TMEM176A: variants seen among roughly 807,000 people sequenced by gnomAD.
TMEM176A encodes transmembrane protein 176A.
In TMEM176A, 20 loss-of-function variants were observed where a neutral mutation model predicts 27.9. That is an observed-to-expected ratio of 0.72 (90% CI 0.50 to 1.04). The LOEUF is 1.04. Among genes scored for constraint, TMEM176A ranks in the 50% least tolerant of loss-of-function variants. TMEM176A has a pLI of 0.00. For synonymous variants in TMEM176A, 125 were observed against 118.0 expected, an observed-to-expected ratio of 1.06 and a Z score of -0.38; for missense variants, 252 against 289.1, an observed-to-expected ratio of 0.87 and a Z score of 0.93.
rs1184797613 is a variant in TMEM176A, at chr7:150,803,411, T to C, written c.297T>C (p.Ala99=). ...AIWTGAVAVL[A]GAAAFIYEKR... is the part of the protein sequence containing the mutation. ...CAATCTCTCCCCAGGCTGTGCTGGC[T>C]GGAGCTGCTGCCTTCATTTACGAGA... The change falls in exon 4 of 7, where the codon GCT becomes GCC. Residue 99 remains alanine (A), a synonymous_variant. Coordinates refer to ENST00000004103, the MANE Select transcript of TMEM176A (RefSeq NM_018487.3). 6.3e-7 allele frequency: 1 copy of C among 1,589,384 alleles called. No individual in the cohort carries two copies. Among genetic ancestry groups the C allele is most frequent in the African/African-American group, 1.3e-5 (1 of 74,146 alleles).
chr7:150,803,320 G>A, intron 3 of TMEM176A, 80 bp from the exon 4 acceptor site: 1 of 1,492,990 alleles, frequency 6.7e-7, no homozygotes, highest in Non-Finnish European at 8.9e-7. Flanking sequence ...TGCTGGGGAA[G>A]GGCCTGCATG....
At chr7:150,804,623 C>A in intron 6 of TMEM176A, 151 bp downstream of exon 6, 1 of 887,838 alleles carries the variant, frequency 1.1e-6, no homozygotes, top group Non-Finnish European at 1.8e-6. Flanking sequence ...CAGTGGTGGC[C>A]CAGCCCAGAA....
chr7:150,804,404 A>C lies in TMEM176A; in HGVS notation c.598A>C (p.Ile200Leu). ...TLQAMLLGVWILLLLASLTPL... is the reference protein window; with the variant it reads ...TLQAMLLGVWLLLLLASLTPL... ...TCAGGCCATGCTCTTGGGTGTCTGG[A>C]TTCTGCTGCTTCTGGCATCTCTGAC... The change falls in exon 6 of 7, where the codon ATT (isoleucine) becomes CTT (leucine). Residue 200 changes from isoleucine to leucine, a missense_variant. Physicochemically the swap from Ile to Leu is conservative, Grantham distance 5. Transcript: ENST00000004103. The C allele has an allele frequency of 6.2e-7, 1 of 1,614,150 alleles. No individual in the cohort carries two copies. Among genetic ancestry groups the C allele is most frequent in the Non-Finnish European group, 8.5e-7 (1 of 1,180,028 alleles).
intron 3 of TMEM176A, 72 bp downstream of exon 3, chr7:150,802,397 C>A: frequency 1.5e-6 from 2 of 1,310,312 alleles, no homozygotes; most frequent in Non-Finnish European, 2.2e-6. Flanking sequence ...TGCCTTCCTC[C>A]AACATGGCGC....
At chr7:150,804,650 C>A in intron 6 of TMEM176A, 177 bp from the exon 7 acceptor site, 2 of 859,378 alleles carry the variant, frequency 2.3e-6, no homozygotes. Flanking sequence ...TATCCCCAAC[C>A]AAGTGGCCCC....
intron 6 of TMEM176A, 72 bp downstream of exon 6, chr7:150,804,544 G>A (rs1798883334): frequency 7.4e-7 from 1 of 1,347,946 alleles, no homozygotes; most frequent in African/African-American, 1.4e-5. Context: ...AATGGACAGT[G>A]GACAGTTTGG....
At chr7:150,801,833 T>A in intron 2 of TMEM176A, 109 bp downstream of exon 2, 1 of 1,093,752 alleles carries the variant, frequency 9.1e-7, no homozygotes, top group Non-Finnish European at 1.3e-6. Flanking sequence ...GCCAGTTATG[T>A]CTTCTTACTT....
chr7:150,801,447 C>A (rs1798782681), intron 1 of TMEM176A, 89 bp from the exon 2 acceptor site: 1 of 1,365,710 alleles, frequency 7.3e-7, no homozygotes, highest in South Asian at 1.4e-5. Context: ...TGACTTTGAG[C>A]CACCACTGGC....
rs1214402871 is a variant in TMEM176A, at chr7:150,800,834, G to A, written c.-16+6G>A. ...GCAGGTCCCGAGGAGCGCAGGTGAG[G>A]CGGCACCCCACTCCCGGCGGCCCCC... On this transcript the variant is annotated splice_donor_region_variant and intron_variant, in intron 1 of 6. Coordinates refer to ENST00000004103, the MANE Select transcript of TMEM176A (RefSeq NM_018487.3). 1.2e-6 allele frequency: 1 copy of A among 806,288 alleles called. No homozygotes were observed. Among genetic ancestry groups the A allele is most frequent in the African/African-American group, 1.9e-5 (1 of 53,488 alleles). The allele number at this position is 806,288 out of a possible 1,614,324, so 49.9% of individuals were successfully genotyped here. A position where few individuals can be genotyped will look rare whatever the true frequency, so the allele number is the denominator to read the frequency against.
chr7:150,803,581 T>A (rs1798862268), intron 4 of TMEM176A, 39 bp from the exon 5 acceptor site: 1 of 1,609,806 alleles, frequency 6.2e-7, no homozygotes, highest in Non-Finnish European at 8.5e-7. Flanking sequence ...TGAGAGAGAC[T>A]GAAACACAAA....
In TMEM176A at chr7:150,804,880, CT is replaced by C. The variant is rs768483612; in HGVS notation, c.*13del. Reference sequence around the variant, plus strand: ...TGAGTGGAATCTAGCCATGCCTCTCCTGATTATTAGTGCCTGGTGCTTCTGC... The same window carrying C: ...TGAGTGGAATCTAGCCATGCCTCTCCGATTATTAGTGCCTGGTGCTTCTGC... On this transcript the variant is annotated 3_prime_UTR_variant, in exon 7 of 7. Coordinates refer to ENST00000004103, the MANE Select transcript of TMEM176A (RefSeq NM_018487.3). 2.2e-5 allele frequency: 35 copies of C among 1,613,916 alleles called. No homozygotes were observed. Among genetic ancestry groups the C allele is most frequent in the Non-Finnish European group, 3.4e-6 (4 of 1,179,900 alleles).
intron 3 of TMEM176A, 30 bp downstream of exon 3, chr7:150,802,355 C>T (rs552053306): frequency 6.3e-7 from 1 of 1,590,076 alleles, no homozygotes; most frequent in East Asian, 2.2e-5. Flanking sequence ...GCTTGACTGC[C>T]TGTGAGAGGG....
chr7:150,802,149 T>C, intron 2 of TMEM176A, 66 bp from the exon 3 acceptor site: 1 of 1,286,576 alleles, frequency 7.8e-7, no homozygotes, highest in Non-Finnish European at 1.1e-6. Context: ...TTTGGGGTTT[T>C]AGCGGTTAAT....
At chr7:150,801,956 G>A (rs1021542670) in intron 2 of TMEM176A, 10 of 622,002 alleles carry the variant, frequency 1.6e-5, no homozygotes, top group Non-Finnish European at 2.2e-5. Flanking sequence ...GGAGCCCTGA[G>A]TCCATCCTTT....
Position 150,801,588 on chromosome 7 carries a change from C to A in TMEM176A, c.38C>A (p.Ala13Asp). The A allele has an allele frequency of 6.2e-7, 1 of 1,612,194 alleles. No homozygotes were observed. Among genetic ancestry groups the A allele is most frequent in the Non-Finnish European group, 8.5e-7 (1 of 1,179,452 alleles). ...GACAGTGATGAGATGGCCCCGGAGG[C>A]CCCACAGCACACCCACATCGATGTG... is the stretch of plus-strand genomic sequence containing the variant. ...TADSDEMAPE[A>D]PQHTHIDVHI... Residue 13 changes from alanine to aspartate, a missense_variant, in exon 2 of 7, where the codon GCC (alanine) becomes GAC (aspartate). Ala to Asp is a moderately radical substitution (Grantham distance 126). Coordinates refer to ENST00000004103, the MANE Select transcript of TMEM176A (RefSeq NM_018487.3).
At chr7:150,802,476 C>T in intron 3 of TMEM176A, 151 bp downstream of exon 3, 2 of 755,560 alleles carry the variant, frequency 2.6e-6, no homozygotes, top group Non-Finnish European at 2.1e-6. Flanking sequence ...GATGAGCAAA[C>T]AGCTGAGGGC....
At chr7:150,801,154 G>T (rs905430805) in intron 1 of TMEM176A, 3 of 234,870 alleles carry the variant, frequency 1.3e-5, no homozygotes, top group Non-Finnish European at 1.4e-5. Flanking sequence ...GGCAGCCAAG[G>T]ACTCGGTCCT....
At chr7:150,804,784 T>G in intron 6 of TMEM176A, 43 bp from the exon 7 acceptor site, 1 of 1,605,354 alleles carries the variant, frequency 6.2e-7, no homozygotes, top group Non-Finnish European at 8.5e-7. Context: ...ACTCCGCCCT[T>G]TCTCTCCCAC....
At chr7:150,804,646 C>T (rs1008167773) in intron 6 of TMEM176A, 174 bp downstream of exon 6, 6 of 864,110 alleles carry the variant, frequency 6.9e-6, no homozygotes, top group Non-Finnish European at 1.1e-5. Context: ...CCCCTATCCC[C>T]AACCAAGTGG....
Sources: allele counts gnomAD v4.1 joint callset, GRCh38; gene constraint gnomAD v4.1.1; transcripts MANE v1.5; gene names NCBI Gene and HGNC (gene_info 2026-07-23, HGNC 2026-07-21).